APCDD1L: variants seen among roughly 807,000 people sequenced by gnomAD.
APCDD1L encodes protein APCDD1-like.
In APCDD1L, 21 loss-of-function variants were observed where a neutral mutation model predicts 24.2. The ratio of observed to expected loss-of-function variants is 0.87; its 90% CI spans 0.61 to 1.25. The LOEUF (loss-of-function observed/expected upper bound fraction) is 1.25, where lower values mean the gene tolerates loss of function less well. Ranked by LOEUF, APCDD1L falls within the 50% of genes most tolerant of loss-of-function variation. APCDD1L has a pLI of 0.00. For synonymous variants in APCDD1L, 321 were observed against 323.6 expected (o/e 0.99, Z 0.09); for missense variants, 704 against 711.7 (o/e 0.99, Z 0.12).
intron 3 of APCDD1L, 146 bp downstream of exon 3, chr20:58,466,960 G>T: frequency 1.9e-6 from 2 of 1,027,118 alleles, no homozygotes; most frequent in Admixed American, 3.0e-5. Flanking sequence ...GAGGCACGCG[G>T]ACCAGAGTGG....
At chr20:58,487,971 CGTGT>C in intron 1 of APCDD1L, among the ~76,000 whole-genome samples, 1 of 151,542 alleles carries the variant, frequency 6.6e-6, no homozygotes, top group South Asian at 2.1e-4. Context: ...TGTGTGCATC[CGTGT>C]GTGTGTGTGT....
intron 1 of APCDD1L, among the ~76,000 whole-genome samples, chr20:58,513,321 A>G (rs1265194151): frequency 6.6e-6 from 1 of 152,036 alleles, no homozygotes; most frequent in African/African-American, 2.4e-5. Context: ...GAGGTGGTCT[A>G]TTTTCATGCT....
At chr20:58,464,098 C>T (rs964090042) in intron 3 of APCDD1L, among the ~76,000 whole-genome samples, 5 of 151,974 alleles carry the variant, frequency 3.3e-5, no homozygotes, top group African/African-American at 9.7e-5. Flanking sequence ...GATAGTTAGC[C>T]GGAGTGTTGG....
intron 3 of APCDD1L, among the ~76,000 whole-genome samples, chr20:58,463,693 A>C (rs931449950): frequency 6.6e-6 from 1 of 152,132 alleles, no homozygotes; most frequent in Non-Finnish European, 1.5e-5. Context: ...GGAAACTTAG[A>C]GTTGCAGTCC....
chr20:58,486,478 A>G (rs1007184651), intron 1 of APCDD1L, among the ~76,000 whole-genome samples: 2 of 152,208 alleles, frequency 1.3e-5, no homozygotes, highest in African/African-American at 4.8e-5. Context: ...AGGAGCTATC[A>G]TGAGAAAGTC....
At chr20:58,468,734 A>G (rs769382919) in intron 2 of APCDD1L, among the ~76,000 whole-genome samples, 7 of 151,906 alleles carry the variant, frequency 4.6e-5, no homozygotes, top group Non-Finnish European at 7.4e-5. Context: ...TGCCCGGCCA[A>G]TTTTTGTATT....
Position 58,470,612 on chromosome 20 carries a change from G to T in APCDD1L, c.185C>A (p.Thr62Lys). Reference sequence around the variant, plus strand: ...TCAGGATGACCTGAAGTCTTACCCTGTGGAGATCCAAGGTCCATTAAGGCG... The same window carrying T: ...TCAGGATGACCTGAAGTCTTACCCTTTGGAGATCCAAGGTCCATTAAGGCG... ...PPRLNGPWIS[T>K]GCEVRPGPEF... Residue 62 changes from threonine (T) to lysine (K), a missense_variant, in exon 2 of 4, where the codon ACA (threonine) becomes AAA (lysine). Coordinates refer to ENST00000371149, the MANE Select transcript of APCDD1L (RefSeq NM_153360.3). 6.3e-7 allele frequency: 1 copy of T among 1,587,506 alleles called. No individual in the cohort carries two copies. Among genetic ancestry groups the T allele is most frequent in the Non-Finnish European group, 8.6e-7 (1 of 1,166,812 alleles).
chr20:58,462,385 G>A (rs115768372), intron 3 of APCDD1L, among the ~76,000 whole-genome samples: 1,697 of 152,156 alleles, frequency 0.011, 21 homozygotes, highest in African/African-American at 0.027. Flanking sequence ...GCTTACACCC[G>A]GCTGTCTGAG....
chr20:58,503,527 A>T (rs747251330), intron 1 of APCDD1L, among the ~76,000 whole-genome samples: 15 of 152,244 alleles, frequency 9.9e-5, no homozygotes, highest in Non-Finnish European at 2.1e-4. Flanking sequence ...GGCTAAATAC[A>T]GCCATGTCGT....
chr20:58,471,731 C>T (rs1319158429), intron 1 of APCDD1L, among the ~76,000 whole-genome samples: 2 of 152,234 alleles, frequency 1.3e-5, no homozygotes, highest in African/African-American at 2.4e-5. Flanking sequence ...GCCCAGATGA[C>T]GGGATGCTGT....
chr20:58,498,550 G>C (rs1196721101), intron 1 of APCDD1L, among the ~76,000 whole-genome samples: 1 of 152,238 alleles, frequency 6.6e-6, no homozygotes, highest in Non-Finnish European at 1.5e-5. Context: ...CTCGGGGGAA[G>C]CTGATAGGGA....
At chr20:58,470,563 G>A (rs371170776) in intron 2 of APCDD1L, 46 bp downstream of exon 2, 278 of 1,531,894 alleles carry the variant, frequency 1.8e-4, no homozygotes, top group Non-Finnish European at 2.3e-4. Flanking sequence ...AGAGGCAGAA[G>A]TCTCCCAGTC....
At chr20:58,482,548 G>C (rs1232856821) in intron 1 of APCDD1L, among the ~76,000 whole-genome samples, 1 of 152,000 alleles carries the variant, frequency 6.6e-6, no homozygotes. Context: ...AAGAGCGCAC[G>C]TAGCTCAGGA....
rs572828067 is a variant in APCDD1L, at chr20:58,483,790, C to T, written c.50-13043G>A. Among the ~76,000 whole-genome samples, 18 of 152,118 alleles carry T rather than the reference C, an allele frequency of 1.2e-4. No individual in the cohort carries two copies. In the East Asian group the frequency reaches 2.9e-3, roughly 25 times the overall value. ...TGTGGGTACCAATTCAATTCATGAG[C>T]GAGGAGGTGAGGCTGGGGCCAAAGA... On this transcript the variant is annotated intron_variant, in intron 1 of 3. Transcript: ENST00000371149.
chr20:58,506,862 A>G (rs756446825), intron 1 of APCDD1L, among the ~76,000 whole-genome samples: 6 of 152,222 alleles, frequency 3.9e-5, no homozygotes, highest in Admixed American at 1.3e-4. Flanking sequence ...TTTCAAAGGC[A>G]TCAGGGCAGG....
At chr20:58,506,937 G>T (rs753887536) in intron 1 of APCDD1L, among the ~76,000 whole-genome samples, 1 of 152,148 alleles carries the variant, frequency 6.6e-6, no homozygotes, top group Non-Finnish European at 1.5e-5. Flanking sequence ...CAAGAAGCTT[G>T]GTGGTCCACA....
At position 58,497,150 on chromosome 20, in the gene APCDD1L, T is replaced by C. The variant is rs946642326; in HGVS notation, c.49+17509A>G. On this transcript the variant is annotated intron_variant, in intron 1 of 3. Transcript: ENST00000371149. This position sits in a 1 kb window ranked among gnomAD's most constrained non-coding sequence, Gnocchi z 4.3. ...ACACCAGAGGTCACAAGATGGGGGA[T>C]GAGGAGGGGGTTGGCGGGAGTATGG... Among the ~76,000 whole-genome samples, 6 of 124,432 alleles carry C rather than the reference T, an allele frequency of 4.8e-5. No individual in the cohort carries two copies. The highest frequency in any genetic ancestry group is 1.9e-4 in the African/African-American group (6 of 32,226). 81.6% of individuals were successfully genotyped at this position (124,432 alleles called of 152,430 possible).
intron 1 of APCDD1L, among the ~76,000 whole-genome samples, chr20:58,513,146 G>A (rs1035548613): frequency 6.6e-6 from 1 of 152,160 alleles, no homozygotes; most frequent in Non-Finnish European, 1.5e-5. Context: ...CATTCCCACT[G>A]GGTGCAACGG....
At chr20:58,514,628 A>G in intron 1 of APCDD1L, 31 bp downstream of exon 1, 1 of 1,311,166 alleles carries the variant, frequency 7.6e-7, no homozygotes, top group Non-Finnish European at 9.8e-7. Context: ...GAGCTCAGCC[A>G]GTTTGCCGGG....
Sources: gnomAD v4.1 joint callset for allele counts (sites outside exome capture counted in the v4.1 genomes callset) on GRCh38, gnomAD v4.1.1 for gene constraint, Gnocchi (gnomAD v3.1) non-coding constraint, MANE v1.5 for transcripts, NCBI Gene and HGNC (gene_info 2026-07-23, HGNC 2026-07-21) for gene names.